MIB2: variants seen among roughly 807,000 people sequenced by gnomAD.
The protein encoded by MIB2 is MIB E3 ubiquitin protein ligase 2.
In MIB2, 78 loss-of-function variants were observed where a neutral mutation model predicts 96.6. The ratio of observed to expected loss-of-function variants is 0.81; its 90% CI spans 0.67 to 0.97. The LOEUF (loss-of-function observed/expected upper bound fraction) is 0.97, where lower values mean the gene tolerates loss of function less well. MIB2 is among the 50% of genes least tolerant of loss of function. The pLI is 0.00. For missense variants in MIB2, 1,543 were observed against 1,424.0 expected, an observed-to-expected ratio of 1.08 and a Z score of -1.35; for synonymous variants, 820 against 629.5, an observed-to-expected ratio of 1.30 and a Z score of -4.53.
In MIB2 at chr1:1,629,632, T is replaced by G; in HGVS notation, c.2564-7T>G. Reference sequence around the variant, plus strand: ...GGCCGCAGCCAACCGCGCTCTCCTCTTCGCAGAGTGCGCGCGCAGGATGAA... The same window carrying G: ...GGCCGCAGCCAACCGCGCTCTCCTCGTCGCAGAGTGCGCGCGCAGGATGAA... On this transcript the variant is annotated splice_polypyrimidine_tract_variant and splice_region_variant and intron_variant, in intron 18 of 19. Coordinates refer to ENST00000355826, the MANE Select transcript of MIB2 (RefSeq NM_001170687.4). 6.3e-7 allele frequency: 1 copy of G among 1,587,580 alleles called. No individual in the cohort carries two copies. The highest frequency in any genetic ancestry group is 8.6e-7 in the Non-Finnish European group (1 of 1,167,524).
Position 1,625,295 on chromosome 1 carries a change from C to T in MIB2, c.731C>T (p.Ala244Val), listed in dbSNP as rs770733872. 4.4e-5 allele frequency: 70 copies of T among 1,587,890 alleles called. No homozygotes were observed. Among genetic ancestry groups the T allele is most frequent in the East Asian group, 9.2e-5 (4 of 43,576 alleles). The change falls in exon 7 of 20, where the codon GCG becomes GTG. Residue 244 changes from alanine to valine, a missense_variant. Ala to Val is a moderately conservative substitution (Grantham distance 64). Coordinates refer to ENST00000355826, the MANE Select transcript of MIB2 (RefSeq NM_001170687.4). This position sits in a 1 kb window ranked among gnomAD's most constrained non-coding sequence, Gnocchi z 5.0. ...KDHLPRLGKPAELQRRVSADS... is the reference protein window; with the variant it reads ...KDHLPRLGKPVELQRRVSADS... The stretch of plus-strand genomic sequence containing the variant: ...CTGCCACCCTCCGCAGGCAAGCCGG[C>T]GGAGCTGCAGCGCAGGGTGAGTGCT...
intron 4 of MIB2, 34 bp downstream of exon 4, chr1:1,623,979 G>A (rs369299551): frequency 1.5e-5 from 24 of 1,578,198 alleles, no homozygotes; most frequent in East Asian, 1.1e-4. Context: ...CCTGTGCGGC[G>A]GGTACCCAGG....
chr1:1,623,208 C>T (rs551638409), intron 2 of MIB2: 16 of 705,630 alleles, frequency 2.3e-5, no homozygotes, highest in African/African-American at 9.5e-5. Context: ...CTGCAGTTCC[C>T]GCGCCAGGCT....
rs1216356615 is a variant in MIB2, at chr1:1,629,699, G to A, written c.2624G>A (p.Arg875His). 4 of 1,594,540 alleles carry A rather than the reference G, an allele frequency of 2.5e-6. No individual in the cohort carries two copies. The highest frequency in any genetic ancestry group is 2.3e-5 in the East Asian group (1 of 43,428). ...CAGGTGGTCGTCAGCAAGAAACTGC[G>A]CCCAGGTGGGTGAGGCTCTGCGCCC... ...RCQVVVSKKL[R>H]PDGSEVASAA... is the part of the protein sequence containing the mutation. The change falls in exon 19 of 20, where the codon CGC becomes CAC. Residue 875 changes from arginine to histidine, a missense_variant. Physicochemically the swap from Arg to His is conservative, Grantham distance 29 (BLOSUM62 0). Transcript: ENST00000355826.
rs1313649570 is a variant in MIB2 at position 1,629,672 on chromosome 1, G to A, written c.2597G>A (p.Cys866Tyr). Residue 866 changes from cysteine to tyrosine, a missense_variant, in exon 19 of 20, where the codon TGC becomes TAC. Transcript: ENST00000355826. The stretch of plus-strand genomic sequence containing the variant: ...CGCAGGATGAAGAAGTGCATCAGGT[G>A]CCAGGTGGTCGTCAGCAAGAAACTG... Reference protein sequence around the residue: ...CARRMKKCIRCQVVVSKKLRP... With the variant: ...CARRMKKCIRYQVVVSKKLRP... 6.2e-7 allele frequency: 1 copy of A among 1,600,626 alleles called. No homozygotes were observed. The highest frequency in any genetic ancestry group is 1.7e-5 in the Admixed American group (1 of 58,880).
intron 2 of MIB2, among the ~76,000 whole-genome samples, chr1:1,620,892 T>C (rs1644201284): frequency 6.6e-6 from 1 of 152,180 alleles, no homozygotes; most frequent in Non-Finnish European, 1.5e-5. Flanking sequence ...TCTGCAGAGA[T>C]CTGGAGAGTC....
chr1:1,623,072 A>T, intron 2 of MIB2: 1 of 399,962 alleles, frequency 2.5e-6, no homozygotes, highest in Non-Finnish European at 4.5e-6. Flanking sequence ...TACTTTAGTG[A>T]AGTCCAGTGT....
rs369689575 is a variant in MIB2 at position 1,627,018 on chromosome 1, G to A, written c.1240+19G>A. ...AACAAAAGTGCGGCACAGCTCAGGC[G>A]GCCAGTGGGAGGTGGGGCTGCCCCT... On this transcript the variant is annotated intron_variant, in intron 10 of 19. Coordinates refer to ENST00000355826, the MANE Select transcript of MIB2 (RefSeq NM_001170687.4). 2.1e-5 allele frequency: 33 copies of A among 1,608,314 alleles called. No individual in the cohort carries two copies. The highest frequency in any genetic ancestry group is 3.3e-4 in the Middle Eastern group (2 of 6,054).
At chr1:1,621,970 C>T (rs1282239218) in intron 2 of MIB2, among the ~76,000 whole-genome samples, 1 of 152,242 alleles carries the variant, frequency 6.6e-6, no homozygotes, top group Non-Finnish European at 1.5e-5. Flanking sequence ...CTCCTCACTG[C>T]TCACCTGCAG....
At chr1:1,621,339 C>T (rs1429375071) in intron 2 of MIB2, among the ~76,000 whole-genome samples, 1 of 152,318 alleles carries the variant, frequency 6.6e-6, no homozygotes, top group Non-Finnish European at 1.5e-5. Context: ...GAGGCCCAGC[C>T]GGGAGGCTGC....
chr1:1,626,402 C>T lies in MIB2; in HGVS notation c.973-248C>T. The T allele has an allele frequency of 1.9e-6, 1 of 529,008 alleles. No homozygotes were observed. Among genetic ancestry groups the T allele is most frequent in the East Asian group, 3.1e-5 (1 of 32,294 alleles). 32.8% of individuals were successfully genotyped at this position (529,008 alleles called of 1,614,324 possible). ...CCAGCCACCTCGGCTTCACACCTGC[C>T]CAGAGCTGGCTTCTGTCTGCCTGGA... On this transcript the variant is annotated intron_variant, in intron 8 of 19. Coordinates refer to ENST00000355826, the MANE Select transcript of MIB2 (RefSeq NM_001170687.4). This position sits in a 1 kb window ranked among gnomAD's most constrained non-coding sequence, Gnocchi z 5.3.
At chr1:1,630,028 C>T (rs577889961) in intron 19 of MIB2, among the ~76,000 whole-genome samples, 3 of 148,688 alleles carry the variant, frequency 2.0e-5, no homozygotes, top group African/African-American at 5.0e-5. Flanking sequence ...CACCGCCCCC[C>T]CATCACACCC....
chr1:1,630,248 C>A, intron 19 of MIB2, 44 bp from the exon 20 acceptor site: 1 of 492,200 alleles, frequency 2.0e-6, no homozygotes, highest in African/African-American at 2.7e-5. Context: ...TCCCCGCATT[C>A]CCCCACCCGG....
At chr1:1,623,735 G>C (rs994524441) in intron 3 of MIB2, 36 bp downstream of exon 3, 7 of 1,533,990 alleles carry the variant, frequency 4.6e-6, no homozygotes, top group African/African-American at 2.7e-5. Context: ...GGCAGGACCC[G>C]GGGGCGGGAA....
Position 1,630,548 on chromosome 1 carries a change from G to A in MIB2, c.*18G>A. Reference sequence around the variant, plus strand: ...TCGTGTGAGCCGCGCCGTCCGCCGCGCCCGAGCTGCCTTCGCGTGCCCCCG... The same window carrying A: ...TCGTGTGAGCCGCGCCGTCCGCCGCACCCGAGCTGCCTTCGCGTGCCCCCG... On this transcript the variant is annotated 3_prime_UTR_variant, in exon 20 of 20. Transcript: ENST00000355826. 6.5e-7 allele frequency: 1 copy of A among 1,529,230 alleles called. No homozygotes were observed. Among genetic ancestry groups the A allele is most frequent in the Non-Finnish European group, 8.8e-7 (1 of 1,142,386 alleles). The allele number at this position is 1,529,230 out of a possible 1,614,324, so 94.7% of individuals were successfully genotyped here.
At chr1:1,622,368 G>A (rs920241663) in intron 2 of MIB2, among the ~76,000 whole-genome samples, 6 of 152,102 alleles carry the variant, frequency 3.9e-5, no homozygotes, top group Non-Finnish European at 7.3e-5. Context: ...TTGTTAACGA[G>A]ACTGTGCTGA....
Position 1,629,373 on chromosome 1 carries a change from C to CTCCCCCTGCAGGGAGCGGCA in MIB2, c.2382-11_2390dup. On this transcript the variant is annotated splice_polypyrimidine_tract_variant and intron_variant, in intron 17 of 19. Coordinates refer to ENST00000355826, the MANE Select transcript of MIB2 (RefSeq NM_001170687.4). The stretch of plus-strand genomic sequence containing the variant: ...CTCCGGGCCCCTCTCAAGCCGCCTC[C>CTCCCCCTGCAGGGAGCGGCA]TCCCCCTGCAGGGAGCGGCAGGCGG... 6.9e-7 allele frequency: 1 copy of CTCCCCCTGCAGGGAGCGGCA among 1,439,294 alleles called. No homozygotes were observed. Among genetic ancestry groups the CTCCCCCTGCAGGGAGCGGCA allele is most frequent in the Non-Finnish European group, 9.0e-7 (1 of 1,110,172 alleles). The allele number at this position is 1,439,294 out of a possible 1,614,324, so 89.2% of individuals were successfully genotyped here.
rs1300050911 is a variant in MIB2 at position 1,627,799 on chromosome 1, G to A, written c.1650G>A (p.Leu550=). The change falls in exon 13 of 20, where the codon CTG becomes CTA. Residue 550 remains leucine (L), a synonymous_variant. Coordinates refer to ENST00000355826, the MANE Select transcript of MIB2 (RefSeq NM_001170687.4). ...GCTTCCTGGAGGTGGTGCGGGCCCT[G>A]TGTGAGCGCGGCTGTGACGTCAACC... ...QRGFLEVVRA[L]CERGCDVNLP... The A allele has an allele frequency of 6.3e-7, 1 of 1,599,134 alleles. No individual in the cohort carries two copies. The highest frequency in any genetic ancestry group is 8.5e-7 in the Non-Finnish European group (1 of 1,179,494).
Position 1,625,906 on chromosome 1 carries a change from C to G in MIB2, c.972+253C>G, listed in dbSNP as rs1315774097. Reference sequence around the variant, plus strand: ...GGCAGGTTAGGGCCTCCCTCTGTTCCAGGACACCAGGAAGGCAGGACAGCT... The same window carrying G: ...GGCAGGTTAGGGCCTCCCTCTGTTCGAGGACACCAGGAAGGCAGGACAGCT... On this transcript the variant is annotated intron_variant, in intron 8 of 19. Coordinates refer to ENST00000355826, the MANE Select transcript of MIB2 (RefSeq NM_001170687.4). This position sits in a 1 kb window ranked among gnomAD's most constrained non-coding sequence, Gnocchi z 5.0. 9 of 552,698 alleles carry G rather than the reference C, an allele frequency of 1.6e-5. No homozygotes were observed. The African/African-American group carries it at 1.7e-4, about 10-fold the overall frequency. 34.2% of individuals were successfully genotyped at this position (552,698 alleles called of 1,614,324 possible).
Sources: allele counts gnomAD v4.1 joint callset (sites outside exome capture counted in the v4.1 genomes callset), GRCh38; gene constraint gnomAD v4.1.1; non-coding constraint Gnocchi (gnomAD v3.1); transcripts MANE v1.5; gene names NCBI Gene and HGNC (gene_info 2026-07-23, HGNC 2026-07-21).